The following RFPL2 variants were observed in gnomAD, a reference collection of about 807,000 sequenced individuals.
RFPL2 encodes the protein ret finger protein-like 2.
RFPL2 carries 13 observed loss-of-function variants against 17.8 expected under a neutral mutation model. That is an observed-to-expected ratio of 0.73 (90% CI 0.47 to 1.16). The LOEUF is 1.16. Among genes scored for constraint, RFPL2 ranks in the 50% most tolerant of loss-of-function variants. RFPL2 has a pLI of 0.00. For missense variants in RFPL2, 431 were observed against 479.3 expected, an observed-to-expected ratio of 0.90 and a Z score of 0.94; for synonymous variants, 189 against 180.9, an observed-to-expected ratio of 1.04 and a Z score of -0.36.
chr22:32,200,567 T>A (rs141482656), intron 2 of RFPL2, among the ~76,000 whole-genome samples: 99 of 152,028 alleles, frequency 6.5e-4, no homozygotes, highest in African/African-American at 2.4e-3. Flanking sequence ...TCTCTCTCCA[T>A]TCTCTCTCCT....
chr22:32,199,906 C>T (rs1399292882), intron 2 of RFPL2: 3 of 446,626 alleles, frequency 6.7e-6, no homozygotes, highest in Admixed American at 2.6e-5. Flanking sequence ...TCCTGCCGCT[C>T]GCCCACTCAC....
At chr22:32,200,216 C>T in intron 2 of RFPL2, 1 of 340,214 alleles carries the variant, frequency 2.9e-6, no homozygotes, top group South Asian at 2.5e-5. Flanking sequence ...AGACAGTGGC[C>T]CCTGAAGAAT....
At position 32,190,791 on chromosome 22, in the gene RFPL2, C is replaced by G. The variant is rs769887594; in HGVS notation, c.1118G>C (p.Arg373Pro). 6.5e-7 allele frequency: 1 copy of G among 1,528,806 alleles called. No individual in the cohort carries two copies. 94.7% of individuals were successfully genotyped at this position (1,528,806 alleles called of 1,614,324 possible). A position where few individuals can be genotyped will look rare whatever the true frequency, so the allele number is the denominator to read the frequency against. ...GAGGGCTTATTTGGCCTCCCCAGGACGGACTGGAGCATCAGTAGTGCCTGA... is the reference window on the plus strand; with the variant it reads ...GAGGGCTTATTTGGCCTCCCCAGGAGGGACTGGAGCATCAGTAGTGCCTGA... ...MNSGTTDAPV[R>P]PGEAK The change falls in exon 5 of 5, where the codon CGT becomes CCT. Residue 373 changes from arginine to proline, a missense_variant. By Grantham distance (103) the Arg-to-Pro change is moderately radical. Transcript: ENST00000652607.
chr22:32,203,871 C>G (rs1924243917), intron 1 of RFPL2, among the ~76,000 whole-genome samples: 1 of 151,600 alleles, frequency 6.6e-6, no homozygotes, highest in African/African-American at 2.4e-5. Flanking sequence ...AACCCTCCCC[C>G]GCCATGAGCA....
chr22:32,202,387 G>A lies in RFPL2; in HGVS notation c.65C>T (p.Ala22Val). The stretch of plus-strand genomic sequence containing the variant: ...AAAGTCCCAGTGGCCACACAATACA[G>A]CACATAGACAGATCCTGGATTGGGA... ...AVSQSRICLCAVLCGHWDFAD... is the reference protein window; with the variant it reads ...AVSQSRICLCVVLCGHWDFAD... Residue 22 changes from alanine (A) to valine (V), a missense_variant, in exon 2 of 5, where the codon GCT becomes GTT. Ala to Val is a moderately conservative substitution (Grantham distance 64, BLOSUM62 0). Coordinates refer to ENST00000652607, the MANE Select transcript of RFPL2 (RefSeq NM_001394555.1). 6.2e-7 allele frequency: 1 copy of A among 1,606,428 alleles called. No individual in the cohort carries two copies. Among genetic ancestry groups the A allele is most frequent in the Non-Finnish European group, 8.5e-7 (1 of 1,176,606 alleles).
At chr22:32,197,594 T>A (rs1291927299) in intron 2 of RFPL2, among the ~76,000 whole-genome samples, 1 of 152,068 alleles carries the variant, frequency 6.6e-6, no homozygotes, top group African/African-American at 2.4e-5. Flanking sequence ...TGTGTGATGT[T>A]CCCCACCCTG....
chr22:32,200,435 G>C (rs1923796326), intron 2 of RFPL2, among the ~76,000 whole-genome samples: 1 of 152,162 alleles, frequency 6.6e-6, no homozygotes, highest in African/African-American at 2.4e-5. Context: ...TGGGTTCTCA[G>C]TGTGTGTAAG....
At chr22:32,198,698 C>A (rs1228622749) in intron 2 of RFPL2, among the ~76,000 whole-genome samples, 1 of 151,812 alleles carries the variant, frequency 6.6e-6, no homozygotes, top group Non-Finnish European at 1.5e-5. Flanking sequence ...GGGAGAAAGA[C>A]CCTGGAGGAG....
In RFPL2 at chr22:32,193,121, A is replaced by G; in HGVS notation, c.337T>C (p.Ser113Pro). ...CAGACGGCGCATCCACACTCCAGGG[A>G]CATTGGTTTTTCCAGATAGTCTGAG... is the stretch of plus-strand genomic sequence containing the variant. ...VCSDYLEKPM[S>P]LECGCAVCLK... is the part of the protein sequence containing the mutation. The change falls in exon 4 of 5, where the codon TCC becomes CCC. Residue 113 changes from serine to proline, a missense_variant. Physicochemically the swap from Ser to Pro is moderately conservative, Grantham distance 74. Coordinates refer to ENST00000652607, the MANE Select transcript of RFPL2 (RefSeq NM_001394555.1). The G allele has an allele frequency of 6.2e-7, 1 of 1,613,988 alleles. No individual in the cohort carries two copies. The highest frequency in any genetic ancestry group is 2.2e-5 in the East Asian group (1 of 44,882).
Position 32,190,570 on chromosome 22 carries a change from A to T in RFPL2, c.*202T>A. On this transcript the variant is annotated 3_prime_UTR_variant, in exon 5 of 5. Coordinates refer to ENST00000652607, the MANE Select transcript of RFPL2 (RefSeq NM_001394555.1). ...TTCTATAGGAAACAAGATGTGAACC[A>T]TAGGACTCAATGAGTTTGATGGTGG... 2.1e-6 allele frequency: 1 copy of T among 467,386 alleles called. No individual in the cohort carries two copies. The allele number at this position is 467,386 out of a possible 1,614,324, so 29.0% of individuals were successfully genotyped here. A position where few individuals can be genotyped will look rare whatever the true frequency, so the allele number is the denominator to read the frequency against.
chr22:32,197,397 T>C (rs1370555349), intron 2 of RFPL2, among the ~76,000 whole-genome samples: 3 of 152,286 alleles, frequency 2.0e-5, no homozygotes, highest in Non-Finnish European at 4.4e-5. Context: ...TCTTTTTTTT[T>C]TCTTTTTTTT....
Position 32,202,564 on chromosome 22 carries a change from C to G in RFPL2, c.-99-14G>C. 1 of 1,495,898 alleles carries G rather than the reference C, an allele frequency of 6.7e-7. No homozygotes were observed. Among genetic ancestry groups the G allele is most frequent in the African/African-American group, 1.4e-5 (1 of 71,856 alleles). 92.7% of individuals were successfully genotyped at this position (1,495,898 alleles called of 1,614,324 possible). A position where few individuals can be genotyped will look rare whatever the true frequency, so the allele number is the denominator to read the frequency against. On this transcript the variant is annotated splice_polypyrimidine_tract_variant and intron_variant, in intron 1 of 4. Coordinates refer to ENST00000652607, the MANE Select transcript of RFPL2 (RefSeq NM_001394555.1). ...AGCCAGAAAAGCCTAGAACAGGATG[C>G]AGAGTGGTAACATTAGAGCGCACCT...
Position 32,202,428 on chromosome 22 carries a change from G to A in RFPL2, c.24C>T (p.Phe8=). 1 of 1,600,200 alleles carries A rather than the reference G, an allele frequency of 6.2e-7. No homozygotes were observed. Among genetic ancestry groups the A allele is most frequent in the African/African-American group, 1.3e-5 (1 of 74,782 alleles). Residue 8 remains phenylalanine (F), a synonymous_variant, in exon 2 of 5, where the codon TTC becomes TTT. Coordinates refer to ENST00000652607, the MANE Select transcript of RFPL2 (RefSeq NM_001394555.1). MEVAELG[F]PETAVSQSRI... ...TGGATTGGGACACTGCAGTCTCTGG[G>A]AAGCCTAATTCAGCCACCTCCATCG...
intron 2 of RFPL2, among the ~76,000 whole-genome samples, 194 bp from the exon 3 acceptor site, chr22:32,194,684 T>G (rs1923137053): frequency 6.6e-6 from 1 of 152,262 alleles, no homozygotes; most frequent in Non-Finnish European, 1.5e-5. Flanking sequence ...CCATCAGTTG[T>G]CAGTAAAGAT....
intron 2 of RFPL2, among the ~76,000 whole-genome samples, chr22:32,199,686 G>C (rs1463447178): frequency 2.0e-5 from 3 of 152,204 alleles, no homozygotes; most frequent in Non-Finnish European, 4.4e-5. Flanking sequence ...AAAGCCCAGG[G>C]CCTAGAAAGG....
rs1470000928 is a variant in RFPL2 at position 32,193,002 on chromosome 22, C to G, written c.456G>C (p.Arg152Ser). Residue 152 changes from arginine (R) to serine (S), a missense_variant, in exon 4 of 5, where the codon AGG becomes AGC. Transcript: ENST00000652607. ...SSMVSRKNKI[R>S]RNRQLERLAS... ...CCAGCCTCTCTAGCTGCCGATTGCG[C>G]CTGATTTTGTTCTTCCGAGAGACCA... is the stretch of plus-strand genomic sequence containing the variant. 6.2e-7 allele frequency: 1 copy of G among 1,614,142 alleles called. No individual in the cohort carries two copies. The highest frequency in any genetic ancestry group is 8.5e-7 in the Non-Finnish European group (1 of 1,180,038).
At position 32,191,109 on chromosome 22, in the gene RFPL2, C is replaced by T. The variant is rs200639973; in HGVS notation, c.800G>A (p.Arg267Lys). Residue 267 changes from arginine (R) to lysine (K), a missense_variant, in exon 5 of 5, where the codon AGG (arginine) becomes AAG (lysine). Transcript: ENST00000652607. ...VCRESVHRKG[R>K]IQLTTELGFW... Reference sequence around the variant, plus strand: ...TCCAAGCTCTGTGGTCAGCTGGATCCTCCCTTTGCGGTGAACAGATTCTCT... The same window carrying T: ...TCCAAGCTCTGTGGTCAGCTGGATCTTCCCTTTGCGGTGAACAGATTCTCT... 3.5e-5 allele frequency: 57 copies of T among 1,613,882 alleles called. No homozygotes were observed. Among genetic ancestry groups the T allele is most frequent in the African/African-American group, 5.3e-5 (4 of 74,924 alleles).
chr22:32,196,663 T>G (rs764387821), intron 2 of RFPL2, among the ~76,000 whole-genome samples: 2 of 152,078 alleles, frequency 1.3e-5, no homozygotes, highest in Non-Finnish European at 2.9e-5. Context: ...ATGTAAAGAG[T>G]GTGAGAATGA....
intron 2 of RFPL2, among the ~76,000 whole-genome samples, chr22:32,201,182 C>T (rs193171810): frequency 1.6e-4 from 24 of 151,952 alleles, no homozygotes; most frequent in African/African-American, 5.3e-4. Flanking sequence ...GGACTACAGG[C>T]GCCCACCACC....
Sources: allele counts gnomAD v4.1 joint callset (sites outside exome capture counted in the v4.1 genomes callset), GRCh38; gene constraint gnomAD v4.1.1; transcripts MANE v1.5; gene names NCBI Gene and HGNC (gene_info 2026-07-23, HGNC 2026-07-21).